Variants in GPR141 observed in about 807,000 individuals in gnomAD.
GPR141 encodes probable G protein-coupled receptor 141.
In GPR141, 6 loss-of-function variants were observed where a neutral mutation model predicts 6.8. The ratio of observed to expected loss-of-function variants is 0.88; its 90% confidence interval spans 0.48 to 1.74. The LOEUF is 1.74. GPR141 is among the 40% of genes most tolerant of loss of function. The pLI, the probability that GPR141 is intolerant of heterozygous loss-of-function variation, is 0.01. For missense variants in GPR141, 372 were observed against 372.9 expected, an observed-to-expected ratio of 1.00 and a Z score of 0.02; for synonymous variants, 140 against 142.3, an observed-to-expected ratio of 0.98 and a Z score of 0.11.
Position 37,741,176 on chromosome 7 carries a change from G to A in GPR141, c.783G>A (p.Lys261=), listed in dbSNP as rs773432251. The A allele has an allele frequency of 5.0e-6, 8 of 1,613,890 alleles. No homozygotes were observed. The highest frequency in any genetic ancestry group is 5.9e-6 in the Non-Finnish European group (7 of 1,179,802). Residue 261 remains lysine, a synonymous_variant, in exon 3 of 3, where the codon AAG becomes AAA. Coordinates refer to ENST00000334425, the MANE Select transcript of GPR141 (RefSeq NM_001381946.1). The part of the protein sequence containing the change: ...VVTHSNACNS[K]VAFYNEIFLS... ...CGCATTCCAATGCCTGTAACAGCAA[G>A]GTTGCATTTTATAACGAAATCTTCT...
intron 2 of GPR141, among the ~76,000 whole-genome samples, chr7:37,706,212 G>A (rs751890138): frequency 5.9e-5 from 9 of 152,118 alleles, no homozygotes; most frequent in Non-Finnish European, 8.8e-5. Flanking sequence ...TATTCATGGC[G>A]TCTAACGCTA....
chr7:37,736,115 G>A lies in GPR141; in HGVS notation c.-14-4265G>A, dbSNP rs771233302. 4.6e-5 allele frequency among the ~76,000 whole-genome samples: 7 copies of A among 152,148 alleles called. No homozygotes were observed. The South Asian group carries it at 8.3e-4, about 18-fold the overall frequency. On this transcript the variant is annotated intron_variant, in intron 2 of 2. Coordinates refer to ENST00000334425, the MANE Select transcript of GPR141 (RefSeq NM_001381946.1). ...TCTACTAAAAATACAAACATTAGCC[G>A]GGTGTGGAGACCTGTAATCCCAGTT...
chr7:37,692,156 C>A (rs994989175), intron 2 of GPR141, among the ~76,000 whole-genome samples: 1 of 151,760 alleles, frequency 6.6e-6, no homozygotes, highest in Non-Finnish European at 1.5e-5. Context: ...AGCTCCCCAT[C>A]CCCCAACAGC....
chr7:37,736,962 T>A (rs1389192014), intron 2 of GPR141, among the ~76,000 whole-genome samples: 1 of 151,844 alleles, frequency 6.6e-6, no homozygotes, highest in African/African-American at 2.4e-5. Flanking sequence ...TAATTAGATA[T>A]GTAGAAATAA....
At chr7:37,718,316 T>A (rs1450156872) in intron 2 of GPR141, among the ~76,000 whole-genome samples, 11 of 152,140 alleles carry the variant, frequency 7.2e-5, no homozygotes, top group Non-Finnish European at 8.8e-5. Flanking sequence ...CAAGGCCACC[T>A]GGGCAACATA....
rs2718040 is a variant in GPR141 at position 37,743,740 on chromosome 7, G to C, written c.*2429G>C. On this transcript the variant is annotated 3_prime_UTR_variant, in exon 3 of 3. Transcript: ENST00000334425. ...TTATTTTCATATATTATAATAACAG[G>C]CTTATTAGAAATGTTCTCAAAAGAT... 0.22 allele frequency among the ~76,000 whole-genome samples: 33,303 copies of C among 151,828 alleles called. 4,431 individuals carry two copies. Among genetic ancestry groups the C allele is most frequent in the Non-Finnish European group, 0.3 (20,353 of 67,900 alleles).
At chr7:37,691,810 T>C (rs989774148) in intron 2 of GPR141, among the ~76,000 whole-genome samples, 15 of 151,728 alleles carry the variant, frequency 9.9e-5, no homozygotes, top group Non-Finnish European at 2.2e-4. Context: ...TGGAGTTTTT[T>C]CCCCCCCTTT....
chr7:37,734,391 T>C (rs942898125), intron 2 of GPR141, among the ~76,000 whole-genome samples: 1 of 152,222 alleles, frequency 6.6e-6, no homozygotes, highest in Non-Finnish European at 1.5e-5. Context: ...CATTGTTCTC[T>C]TAGCTACATG....
chr7:37,741,041 A>C lies in GPR141; in HGVS notation c.648A>C (p.Leu216=). ...TGCAGAAGCTACGCCACTCTTTACT[A>C]TCCCACCAGGAGTTCTGGGCTCAGC... is the stretch of plus-strand genomic sequence containing the variant. The part of the protein sequence containing the change: ...LMVQKLRHSL[L]SHQEFWAQLK... The change falls in exon 3 of 3, where the codon CTA becomes CTC. Residue 216 remains leucine (L), a synonymous_variant. Transcript: ENST00000334425. 1 of 1,614,122 alleles carries C rather than the reference A, an allele frequency of 6.2e-7. No homozygotes were observed. Among genetic ancestry groups the C allele is most frequent in the South Asian group, 1.1e-5 (1 of 91,088 alleles).
chr7:37,708,211 T>C (rs1810614172), intron 2 of GPR141, among the ~76,000 whole-genome samples: 1 of 143,158 alleles, frequency 7.0e-6, no homozygotes, highest in Non-Finnish European at 1.5e-5. Context: ...TCCAGGTAAA[T>C]GACTAATCTA....
chr7:37,740,583 G>A lies in GPR141; in HGVS notation c.190G>A (p.Val64Ile), dbSNP rs750847818. Residue 64 changes from valine to isoleucine, a missense_variant, in exon 3 of 3, where the codon GTT becomes ATT. Coordinates refer to ENST00000334425, the MANE Select transcript of GPR141 (RefSeq NM_001381946.1). ...CATTAACTTGGTGGTGGTCCACAGC[G>A]TTTTTCTGCTGACAGTGCCATTTCG... is the stretch of plus-strand genomic sequence containing the variant. The part of the protein sequence containing the change: ...AVINLVVVHS[V>I]FLLTVPFRLT... 4.6e-5 allele frequency: 74 copies of A among 1,613,976 alleles called. No homozygotes were observed. The highest frequency in any genetic ancestry group is 3.1e-4 in the East Asian group (14 of 44,898).
chr7:37,717,885 T>G (rs1394202145), intron 2 of GPR141, among the ~76,000 whole-genome samples: 1 of 152,240 alleles, frequency 6.6e-6, no homozygotes, highest in Non-Finnish European at 1.5e-5. Context: ...TTGTTTACAT[T>G]GCTCATGAGT....
chr7:37,727,834 C>CATTTAATATTGT, intron 2 of GPR141, among the ~76,000 whole-genome samples: 1 of 152,218 alleles, frequency 6.6e-6, no homozygotes, highest in East Asian at 1.9e-4. Context: ...ATTAAGATGT[C>CATTTAATATTGT]ATTTAGTATT....
intron 2 of GPR141, among the ~76,000 whole-genome samples, chr7:37,711,340 A>G (rs1012632870): frequency 6.6e-6 from 1 of 152,214 alleles, no homozygotes; most frequent in Non-Finnish European, 1.5e-5. Context: ...CGTGTTGCCT[A>G]AATAACAGCT....
intron 2 of GPR141, among the ~76,000 whole-genome samples, chr7:37,732,453 A>T (rs1354076405): frequency 1.3e-5 from 2 of 152,056 alleles, no homozygotes; most frequent in African/African-American, 2.4e-5. Context: ...GACAGAATGG[A>T]GATGTTGCAA....
At chr7:37,684,027 C>T (rs1809388031) in intron 1 of GPR141, 124 bp downstream of exon 1, 1 of 151,888 alleles carries the variant, frequency 6.6e-6, no homozygotes, top group Non-Finnish European at 1.5e-5. Context: ...AAAAAGCAAG[C>T]TTATTCTCTG....
At chr7:37,700,358 A>T in intron 2 of GPR141, among the ~76,000 whole-genome samples, 1 of 152,196 alleles carries the variant, frequency 6.6e-6, no homozygotes, top group East Asian at 1.9e-4. Flanking sequence ...TCAGCATGCT[A>T]ATTTCCTTTT....
intron 2 of GPR141, among the ~76,000 whole-genome samples, chr7:37,695,984 T>G (rs1200488972): frequency 1.3e-5 from 2 of 152,248 alleles, no homozygotes; most frequent in Non-Finnish European, 2.9e-5. Context: ...AGATAAATTC[T>G]TGCATCTGTT....
At chr7:37,731,128 CA>C (rs199594562) in intron 2 of GPR141, among the ~76,000 whole-genome samples, 1 of 152,204 alleles carries the variant, frequency 6.6e-6, no homozygotes, top group East Asian at 1.9e-4. Flanking sequence ...AATTAAAACT[CA>C]AATGAGAATT....
Sources: gnomAD v4.1 joint callset for allele counts (sites outside exome capture counted in the v4.1 genomes callset) on GRCh38, gnomAD v4.1.1 for gene constraint, MANE v1.5 for transcripts, NCBI Gene and HGNC (gene_info 2026-07-23, HGNC 2026-07-21) for gene names.